PACRG: variants seen among roughly 807,000 people sequenced by gnomAD.
PACRG encodes the protein parkin coregulated gene protein.
PACRG carries 29 observed loss-of-function variants against 29.7 expected under a neutral mutation model. The observed-to-expected ratio is 0.98, with a 90% CI of 0.73 to 1.33. PACRG has a LOEUF of 1.33. Among genes scored for constraint, PACRG ranks in the 40% most tolerant of loss-of-function variants. PACRG has a pLI of 0.00. For synonymous variants in PACRG, 116 were observed against 118.7 expected (o/e 0.98, Z 0.15); for missense variants, 279 against 316.2 (o/e 0.88, Z 0.89).
intron 3 of PACRG, among the ~76,000 whole-genome samples, chr6:163,066,095 A>T (rs1164313275): frequency 6.6e-6 from 1 of 152,218 alleles, no homozygotes; most frequent in East Asian, 1.9e-4. Flanking sequence ...GCAGCAATCT[A>T]AAGAAAATCA....
chr6:162,813,845 T>C (rs190310681), intron 1 of PACRG, among the ~76,000 whole-genome samples: 1 of 152,288 alleles, frequency 6.6e-6, no homozygotes, highest in Non-Finnish European at 1.5e-5. Context: ...TCTATTAAAA[T>C]GTTTTTCACA....
intron 4 of PACRG, among the ~76,000 whole-genome samples, chr6:163,123,719 T>C (rs73593774): frequency 6.6e-6 from 1 of 152,334 alleles, no homozygotes; most frequent in African/African-American, 2.4e-5. Flanking sequence ...ATCTGACTAT[T>C]TTTAGATGCT....
chr6:162,754,092 CA>C (rs1781717137), intron 1 of PACRG, among the ~76,000 whole-genome samples: 1 of 152,164 alleles, frequency 6.6e-6, no homozygotes, highest in Non-Finnish European at 1.5e-5. Context: ...TACTAATTTA[CA>C]TTCCCCTCAT....
At chr6:162,929,775 C>T (rs1310672268) in intron 2 of PACRG, among the ~76,000 whole-genome samples, 1 of 151,960 alleles carries the variant, frequency 6.6e-6, no homozygotes, top group Non-Finnish European at 1.5e-5. Flanking sequence ...AGGTAGGGGT[C>T]TAATTTCATT....
At chr6:162,945,135 G>T (rs952485483) in intron 2 of PACRG, among the ~76,000 whole-genome samples, 1 of 152,012 alleles carries the variant, frequency 6.6e-6, no homozygotes, top group East Asian at 1.9e-4. Context: ...AATTAATAAA[G>T]TGACAGCAAT....
chr6:162,815,015 A>T (rs1787213083), intron 2 of PACRG, among the ~76,000 whole-genome samples: 1 of 152,208 alleles, frequency 6.6e-6, no homozygotes, highest in South Asian at 2.1e-4. Context: ...AATCTGAGAA[A>T]AATAAATGCT....
intron 1 of PACRG, among the ~76,000 whole-genome samples, chr6:162,772,452 G>A (rs372696378): frequency 4.3e-4 from 65 of 152,154 alleles, no homozygotes; most frequent in Non-Finnish European, 7.5e-4. Flanking sequence ...CTTGCAAAGA[G>A]TAAAATAAAA....
At chr6:163,280,194 T>C (rs1784182262) in intron 4 of PACRG, among the ~76,000 whole-genome samples, 2 of 152,222 alleles carry the variant, frequency 1.3e-5, no homozygotes, top group South Asian at 4.1e-4. Context: ...TGTGGAGTTA[T>C]CACTTTAGGG....
intron 4 of PACRG, among the ~76,000 whole-genome samples, chr6:163,120,238 C>G (rs1015381003): frequency 6.6e-6 from 1 of 152,160 alleles, no homozygotes; most frequent in Non-Finnish European, 1.5e-5. Flanking sequence ...AGAAGTTCTG[C>G]TCTGCTGTAA....
intron 2 of PACRG, among the ~76,000 whole-genome samples, chr6:162,898,071 G>C (rs1419157428): frequency 6.6e-6 from 1 of 152,192 alleles, no homozygotes; most frequent in African/African-American, 2.4e-5. Flanking sequence ...GAACGTTCTG[G>C]AAAGAGAGTG....
chr6:162,790,191 A>G (rs1273241198), intron 1 of PACRG, among the ~76,000 whole-genome samples: 1 of 152,214 alleles, frequency 6.6e-6, no homozygotes. Context: ...TCCCTTGCAT[A>G]ATGTTGGCAT....
At chr6:162,953,171 A>G (rs1156711704) in intron 2 of PACRG, among the ~76,000 whole-genome samples, 1 of 152,152 alleles carries the variant, frequency 6.6e-6, no homozygotes, top group Non-Finnish European at 1.5e-5. Context: ...TCTCCTTATA[A>G]CCTATATTTA....
At chr6:162,979,945 A>C (rs1273759762) in intron 2 of PACRG, among the ~76,000 whole-genome samples, 1 of 152,154 alleles carries the variant, frequency 6.6e-6, no homozygotes, top group Non-Finnish European at 1.5e-5. Flanking sequence ...TATTCAGTCC[A>C]GAAAAAAAAT....
chr6:163,283,426 TGATTAA>T (rs1348962733), intron 4 of PACRG, among the ~76,000 whole-genome samples: 3 of 152,348 alleles, frequency 2.0e-5, no homozygotes, highest in South Asian at 4.1e-4. Flanking sequence ...ATATGCAATT[TGATTAA>T]GATTATGTTT....
intron 4 of PACRG, among the ~76,000 whole-genome samples, chr6:163,175,489 C>T (rs979523529): frequency 2.6e-5 from 4 of 152,018 alleles, no homozygotes; most frequent in Non-Finnish European, 4.4e-5. Flanking sequence ...GACTCTACTG[C>T]TCCTGAGGGA....
At chr6:163,270,201 T>C (rs1439795316) in intron 4 of PACRG, among the ~76,000 whole-genome samples, 3 of 152,098 alleles carry the variant, frequency 2.0e-5, no homozygotes, top group African/African-American at 2.4e-5. Flanking sequence ...AAAGCGAGCA[T>C]TTCAATTCAC....
intron 2 of PACRG, among the ~76,000 whole-genome samples, chr6:162,987,105 T>C (rs1462837786): frequency 6.6e-6 from 1 of 152,178 alleles, no homozygotes; most frequent in East Asian, 1.9e-4. Context: ...TTTTGTCATA[T>C]TACCAGAATG....
rs1783519962 is a variant in PACRG, at chr6:162,774,894, G to C, written c.157-39253G>C. On this transcript the variant is annotated intron_variant, in intron 1 of 4. Coordinates refer to ENST00000366888, the MANE Select transcript of PACRG (RefSeq NM_001080379.2). Reference sequence around the variant, plus strand: ...CCCGACTAGAAATCCCTGAAGACTGGAGCTGCCTCTCACCTATCTTTGTTT... The same window carrying C: ...CCCGACTAGAAATCCCTGAAGACTGCAGCTGCCTCTCACCTATCTTTGTTT... Among the ~76,000 whole-genome samples the C allele has an allele frequency of 2.0e-5, 3 of 152,102 alleles. No homozygotes were observed. The South Asian group carries it at 6.2e-4, about 32-fold the overall frequency.
At chr6:162,944,534 T>C (rs1284135170) in intron 2 of PACRG, among the ~76,000 whole-genome samples, 1 of 152,182 alleles carries the variant, frequency 6.6e-6, no homozygotes, top group Non-Finnish European at 1.5e-5. Context: ...AAAGGAATTC[T>C]GTGAGATGTG....
Sources: gnomAD v4.1 joint callset for allele counts (sites outside exome capture counted in the v4.1 genomes callset) on GRCh38, gnomAD v4.1.1 for gene constraint, MANE v1.5 for transcripts, NCBI Gene and HGNC (gene_info 2026-07-23, HGNC 2026-07-21) for gene names.